Variants in PKIA observed in about 807,000 individuals in gnomAD.
PKIA encodes the protein PKI-alpha.
In PKIA, 4 loss-of-function variants were observed where a neutral mutation model predicts 7.6. That is an observed-to-expected ratio of 0.52 (90% CI 0.26 to 1.20). The LOEUF (loss-of-function observed/expected upper bound fraction) is 1.20. PKIA is among the 50% of genes most tolerant of loss of function. The pLI is 0.13. For missense variants in PKIA, 73 were observed against 86.2 expected, an observed-to-expected ratio of 0.85 and a Z score of 0.61; for synonymous variants, 21 against 30.7, an observed-to-expected ratio of 0.68 and a Z score of 1.04.
At chr8:78,536,420 G>A (rs1806523512) in intron 1 of PKIA, among the ~76,000 whole-genome samples, 1 of 152,106 alleles carries the variant, frequency 6.6e-6, no homozygotes, top group South Asian at 2.1e-4. Flanking sequence ...TCTGGTTAGA[G>A]ACTCTGGAAG....
chr8:78,566,795 C>T (rs559113624), intron 1 of PKIA, among the ~76,000 whole-genome samples: 20 of 152,210 alleles, frequency 1.3e-4, no homozygotes, highest in African/African-American at 4.3e-4. Context: ...ATAATCACTG[C>T]CCTCTGAAGT....
At chr8:78,558,190 G>T (rs973394170) in intron 1 of PKIA, among the ~76,000 whole-genome samples, 1 of 152,146 alleles carries the variant, frequency 6.6e-6, no homozygotes. Flanking sequence ...AATCTTTGCA[G>T]TGTCCCTAAA....
At chr8:78,573,736 GA>G (rs1186241484) in intron 2 of PKIA, among the ~76,000 whole-genome samples, 6 of 151,972 alleles carry the variant, frequency 3.9e-5, no homozygotes, top group African/African-American at 1.2e-4. Flanking sequence ...TGAATGAAGA[GA>G]AAAAGTTTGT....
At chr8:78,527,116 C>T (rs1162991998) in intron 1 of PKIA, among the ~76,000 whole-genome samples, 4 of 151,968 alleles carry the variant, frequency 2.6e-5, no homozygotes, top group Admixed American at 2.0e-4. Context: ...TTCCTGGGAA[C>T]AGAATAACTT....
chr8:78,534,305 C>G (rs1806464092), intron 1 of PKIA: 1 of 152,074 alleles, frequency 6.6e-6, no homozygotes, highest in African/African-American at 2.4e-5. Context: ...GAAGGTAGGT[C>G]AGAGAAATCC....
rs1283752530 is a variant in PKIA, at chr8:78,583,882, G to A, written c.-28+10943G>A. On this transcript the variant is annotated intron_variant, in intron 2 of 3. Transcript: ENST00000396418. Reference sequence around the variant, plus strand: ...CACCAAAATCTGATTTTTCAAAAAAGAAATTTGCAACCTCTGGCATCAATG... The same window carrying A: ...CACCAAAATCTGATTTTTCAAAAAAAAAATTTGCAACCTCTGGCATCAATG... 2.0e-5 allele frequency among the ~76,000 whole-genome samples: 3 copies of A among 152,014 alleles called. No individual in the cohort carries two copies. In the South Asian group the frequency reaches 6.2e-4, roughly 32 times the overall value.
At chr8:78,558,964 C>T (rs994628571) in intron 1 of PKIA, among the ~76,000 whole-genome samples, 3 of 152,124 alleles carry the variant, frequency 2.0e-5, no homozygotes, top group African/African-American at 7.2e-5. Flanking sequence ...CTCTGTTGCC[C>T]AGGCTACAGT....
In PKIA at chr8:78,517,836, T is replaced by C. The variant is rs545607231; in HGVS notation, c.-157+1368T>C. On this transcript the variant is annotated intron_variant, in intron 1 of 3. Coordinates refer to ENST00000396418, the MANE Select transcript of PKIA (RefSeq NM_006823.4). ...CTTCACCAACAGAGAACAGTTGCAATAAGCCAGATTGTGGGGTATCTGTGT... is the reference window on the plus strand; with the variant it reads ...CTTCACCAACAGAGAACAGTTGCAACAAGCCAGATTGTGGGGTATCTGTGT... Among the ~76,000 whole-genome samples the C allele has an allele frequency of 2.6e-5, 4 of 152,294 alleles. No individual in the cohort carries two copies. The East Asian group carries it at 7.7e-4, about 29-fold the overall frequency.
At chr8:78,600,100 T>G (rs1421852347) in intron 3 of PKIA, among the ~76,000 whole-genome samples, 1 of 151,744 alleles carries the variant, frequency 6.6e-6, no homozygotes, top group East Asian at 1.9e-4. Flanking sequence ...TTAATTGCAA[T>G]TCACTAGGCT....
chr8:78,523,821 G>C (rs1273326377), intron 1 of PKIA, among the ~76,000 whole-genome samples: 1 of 148,572 alleles, frequency 6.7e-6, no homozygotes, highest in Non-Finnish European at 1.5e-5. Context: ...AAATTCTAAA[G>C]AGTAACTATG....
At chr8:78,579,660 T>C (rs567220805) in intron 2 of PKIA, among the ~76,000 whole-genome samples, 1 of 152,176 alleles carries the variant, frequency 6.6e-6, no homozygotes, top group South Asian at 2.1e-4. Flanking sequence ...ATGAGCAAGT[T>C]TATTAAATAA....
At chr8:78,538,022 T>C (rs1190208990) in intron 1 of PKIA, among the ~76,000 whole-genome samples, 3 of 152,024 alleles carry the variant, frequency 2.0e-5, no homozygotes, top group Admixed American at 2.0e-4. Flanking sequence ...ATAAACTTTT[T>C]CTTTCTCTAA....
intron 1 of PKIA, among the ~76,000 whole-genome samples, chr8:78,545,419 T>C (rs944239132): frequency 2.9e-4 from 44 of 152,080 alleles, no homozygotes; most frequent in African/African-American, 1.0e-3. Flanking sequence ...ACTAACAAGA[T>C]TGCTTTTGAA....
intron 1 of PKIA, among the ~76,000 whole-genome samples, chr8:78,566,167 T>C (rs1259203881): frequency 1.3e-5 from 2 of 151,806 alleles, no homozygotes; most frequent in Non-Finnish European, 3.0e-5. Context: ...TAAGTTATAG[T>C]AATTATTTTT....
intron 1 of PKIA, among the ~76,000 whole-genome samples, chr8:78,521,249 C>T (rs1009091202): frequency 3.3e-5 from 5 of 152,166 alleles, no homozygotes; most frequent in African/African-American, 1.2e-4. Flanking sequence ...TATTAACTGT[C>T]TCAATATTAA....
intron 1 of PKIA, among the ~76,000 whole-genome samples, chr8:78,525,228 A>G (rs35039269): frequency 0.083 from 12,559 of 151,820 alleles, 575 homozygotes; most frequent in Middle Eastern, 0.17. Flanking sequence ...GACTTTTAGA[A>G]AACTCAGAAT....
At chr8:78,535,854 G>A (rs1213614282) in intron 1 of PKIA, 1 of 152,084 alleles carries the variant, frequency 6.6e-6, no homozygotes, top group Non-Finnish European at 1.5e-5. Context: ...GAGTACCCGA[G>A]AGGTATGCAT....
intron 1 of PKIA, among the ~76,000 whole-genome samples, chr8:78,558,742 C>T (rs1453293747): frequency 2.0e-5 from 3 of 152,100 alleles, no homozygotes; most frequent in Non-Finnish European, 4.4e-5. Context: ...CACGTATTTC[C>T]TTTACATCAG....
chr8:78,542,398 T>C (rs16905752), intron 1 of PKIA, among the ~76,000 whole-genome samples: 23,258 of 152,096 alleles, frequency 0.15, 1,966 homozygotes, highest in Middle Eastern at 0.22. Context: ...ATCTATCTCA[T>C]AACTTCATAT....
Sources: gnomAD v4.1 joint callset for allele counts (sites outside exome capture counted in the v4.1 genomes callset) on GRCh38, gnomAD v4.1.1 for gene constraint, MANE v1.5 for transcripts, NCBI Gene and HGNC (gene_info 2026-07-23, HGNC 2026-07-21) for gene names.